The following SPATA16 variants were observed in gnomAD, a reference collection of about 807,000 sequenced individuals.
The protein encoded by SPATA16 is spermatogenesis associated 16.
In SPATA16, 36 loss-of-function variants were observed where a neutral mutation model predicts 63.3. The observed-to-expected ratio is 0.57, with a 90% CI of 0.44 to 0.75. The LOEUF (loss-of-function observed/expected upper bound fraction) is 0.75, where lower values mean the gene tolerates loss of function less well. Among genes scored for constraint, SPATA16 ranks in the 30% least tolerant of loss-of-function variants. The probability of loss-of-function intolerance (pLI) is 0.00; values close to 1 mark genes in which losing one functional copy is unlikely to be tolerated. For missense variants in SPATA16, 646 were observed against 679.3 expected (o/e 0.95, Z 0.54); for synonymous variants, 203 against 216.7 (o/e 0.94, Z 0.56).
chr3:173,019,153 T>C (rs904728078), intron 4 of SPATA16, among the ~76,000 whole-genome samples: 1 of 152,194 alleles, frequency 6.6e-6, no homozygotes, highest in Non-Finnish European at 1.5e-5. Flanking sequence ...GCTCAAGAGA[T>C]AGTTATAGAA....
chr3:173,136,736 T>C (rs1423552552), intron 1 of SPATA16, among the ~76,000 whole-genome samples: 5 of 152,080 alleles, frequency 3.3e-5, no homozygotes, highest in Non-Finnish European at 7.4e-5. Context: ...AATTGGAAAA[T>C]AGGGTGACCT....
At chr3:172,998,516 G>A (rs1347052418) in intron 4 of SPATA16, among the ~76,000 whole-genome samples, 2 of 152,086 alleles carry the variant, frequency 1.3e-5, no homozygotes, top group African/African-American at 2.4e-5. Context: ...TCTTACAAAT[G>A]TGTATGCCTT....
At chr3:172,924,904 T>C (rs909914793) in intron 7 of SPATA16, among the ~76,000 whole-genome samples, 1 of 152,206 alleles carries the variant, frequency 6.6e-6, no homozygotes. Context: ...TTAACTGTAA[T>C]ACTCTCCAGG....
intron 2 of SPATA16, among the ~76,000 whole-genome samples, chr3:173,103,323 C>G (rs972822737): frequency 8.5e-5 from 13 of 152,220 alleles, no homozygotes; most frequent in Non-Finnish European, 1.3e-4. Flanking sequence ...GGGGGTCCAA[C>G]CCCACATTTC....
intron 2 of SPATA16, among the ~76,000 whole-genome samples, chr3:173,054,151 G>T (rs557671429): frequency 2.1e-4 from 32 of 151,958 alleles, no homozygotes; most frequent in African/African-American, 6.7e-4. Context: ...GCAAATGACA[G>T]AAATATTAGA....
intron 2 of SPATA16, among the ~76,000 whole-genome samples, chr3:173,108,202 ACTAT>A (rs1737664450): frequency 6.6e-6 from 1 of 152,138 alleles, no homozygotes; most frequent in East Asian, 1.9e-4. Context: ...AGAGACACAC[ACTAT>A]CTAACCACTG....
At position 173,024,972 on chromosome 3, in the gene SPATA16, T is replaced by C. The variant is rs74789198; in HGVS notation, c.759-5397A>G. Among the ~76,000 whole-genome samples, 616 of 150,990 alleles carry C rather than the reference T, an allele frequency of 4.1e-3. 2 individuals are homozygous for C. Among genetic ancestry groups the C allele is most frequent in the South Asian group, 0.01 (49 of 4,742 alleles). ...GTATATTTTATTCTCATTATAGTTT[T>C]TTCTCCCAGTCTCTAATTATAGATT... On this transcript the variant is annotated intron_variant, in intron 3 of 10. Transcript: ENST00000351008.
intron 3 of SPATA16, among the ~76,000 whole-genome samples, chr3:173,046,972 A>C (rs1318283699): frequency 6.6e-6 from 1 of 152,018 alleles, no homozygotes; most frequent in African/African-American, 2.4e-5. Context: ...AAATTATTTT[A>C]CAAAAGTTAA....
intron 5 of SPATA16, among the ~76,000 whole-genome samples, chr3:172,964,989 C>T (rs564113414): frequency 3.2e-4 from 48 of 152,272 alleles, no homozygotes; most frequent in African/African-American, 4.8e-4. Flanking sequence ...CAGGTAGCAA[C>T]GTGTTCTCAG....
At chr3:173,111,867 A>G (rs1002862) in intron 2 of SPATA16, among the ~76,000 whole-genome samples, 15,543 of 152,270 alleles carry the variant, frequency 0.1, 1,083 homozygotes, top group East Asian at 0.32. Flanking sequence ...AGTGATTCCC[A>G]AAAGCTGGTT....
intron 3 of SPATA16, among the ~76,000 whole-genome samples, chr3:173,039,721 T>C (rs1735794661): frequency 6.6e-6 from 1 of 152,068 alleles, no homozygotes; most frequent in Non-Finnish European, 1.5e-5. Flanking sequence ...ACTAAACTGC[T>C]ATCAACTTGA....
At chr3:172,996,168 A>G (rs1194275700) in intron 4 of SPATA16, among the ~76,000 whole-genome samples, 5 of 152,110 alleles carry the variant, frequency 3.3e-5, no homozygotes, top group Non-Finnish European at 7.4e-5. Context: ...CGAGACCACC[A>G]TAAAAGTGAT....
intron 5 of SPATA16, among the ~76,000 whole-genome samples, chr3:172,958,181 G>C (rs775183573): frequency 6.6e-6 from 1 of 152,194 alleles, no homozygotes; most frequent in Non-Finnish European, 1.5e-5. Flanking sequence ...GATGGAGTTA[G>C]TGATGGAGTG....
chr3:173,090,426 G>A (rs1430061593), intron 2 of SPATA16, among the ~76,000 whole-genome samples: 1 of 152,092 alleles, frequency 6.6e-6, no homozygotes, highest in Non-Finnish European at 1.5e-5. Context: ...AAATTACCCA[G>A]TCTCAGGTAT....
intron 2 of SPATA16, among the ~76,000 whole-genome samples, chr3:173,088,878 A>G (rs559505452): frequency 6.6e-6 from 1 of 152,318 alleles, no homozygotes; most frequent in African/African-American, 2.4e-5. Flanking sequence ...ATGGTATTGA[A>G]CACTGAAGCT....
At chr3:173,039,380 C>T (rs2108288556) in intron 3 of SPATA16, among the ~76,000 whole-genome samples, 1 of 152,204 alleles carries the variant, frequency 6.6e-6, no homozygotes, top group Non-Finnish European at 1.5e-5. Flanking sequence ...ATGAACATCT[C>T]CCAAAGGCAG....
Position 172,889,554 on chromosome 3 carries a change from G to A in SPATA16, c.*16C>T. 6.2e-7 allele frequency: 1 copy of A among 1,613,364 alleles called. No individual in the cohort carries two copies. The highest frequency in any genetic ancestry group is 8.5e-7 in the Non-Finnish European group (1 of 1,179,766). On this transcript the variant is annotated 3_prime_UTR_variant, in exon 11 of 11. Transcript: ENST00000351008. Reference sequence around the variant, plus strand: ...TCTTCTGGGATATCTTAGTGGTAGTGCCTGCTCCCTAATGACTACCTTTGC... The same window carrying A: ...TCTTCTGGGATATCTTAGTGGTAGTACCTGCTCCCTAATGACTACCTTTGC...
intron 1 of SPATA16, among the ~76,000 whole-genome samples, chr3:173,137,429 G>A (rs898322518): frequency 6.6e-6 from 1 of 152,136 alleles, no homozygotes; most frequent in Non-Finnish European, 1.5e-5. Flanking sequence ...AGATGACCAC[G>A]ATGTTAGACA....
intron 3 of SPATA16, among the ~76,000 whole-genome samples, chr3:173,030,098 CT>C (rs1735568218): frequency 6.7e-6 from 1 of 148,844 alleles, no homozygotes; most frequent in South Asian, 2.1e-4. Flanking sequence ...ATCTATCTAT[CT>C]ATCTACCCAC....
Sources: allele counts gnomAD v4.1 joint callset (sites outside exome capture counted in the v4.1 genomes callset), GRCh38; gene constraint gnomAD v4.1.1; transcripts MANE v1.5; gene names NCBI Gene and HGNC (gene_info 2026-07-23, HGNC 2026-07-21).